Variants in KIF13B observed in about 807,000 individuals in gnomAD.
KIF13B encodes the protein kinesin family member 13B.
KIF13B carries 127 observed loss-of-function variants against 222.0 expected under a neutral mutation model. The ratio of observed to expected loss-of-function variants is 0.57; its 90% CI spans 0.50 to 0.66. The LOEUF (loss-of-function observed/expected upper bound fraction) is 0.66, where lower values mean the gene tolerates loss of function less well. Among genes scored for constraint, KIF13B ranks in the 30% least tolerant of loss-of-function variants. The pLI, the probability that KIF13B is intolerant of heterozygous loss-of-function variation, is 0.00. For missense variants in KIF13B, 2,173 were observed against 2,379.0 expected (o/e 0.91, Z 1.80); for synonymous variants, 976 against 919.0 (o/e 1.06, Z -1.12).
Position 29,142,118 on chromosome 8 carries a change from A to C in KIF13B, c.2334+39T>G, listed in dbSNP as rs766831537. The C allele has an allele frequency of 8.7e-5, 138 of 1,577,810 alleles. 1 individual carries two copies. Among genetic ancestry groups the C allele is most frequent in the African/African-American group, 2.7e-5 (2 of 74,122 alleles). ...GACTCATTCCAGCTTGGCTCCTTCC[A>C]TAATTACCAATTAAGTGATTTTCTC... On this transcript the variant is annotated intron_variant, in intron 19 of 39. Transcript: ENST00000524189.
chr8:29,185,700 T>C (rs1812894038), intron 6 of KIF13B, among the ~76,000 whole-genome samples: 1 of 152,244 alleles, frequency 6.6e-6, no homozygotes, highest in Middle Eastern at 3.2e-3. Context: ...AAACTTTCTG[T>C]AGGCCTCAGC....
intron 36 of KIF13B, among the ~76,000 whole-genome samples, chr8:29,094,141 G>A (rs1006336728): frequency 2.6e-5 from 4 of 151,928 alleles, no homozygotes; most frequent in Admixed American, 1.3e-4. Flanking sequence ...CCAACCTCCC[G>A]ACCACACATC....
At chr8:29,163,502 T>C (rs889991206) in intron 12 of KIF13B, among the ~76,000 whole-genome samples, 1 of 152,224 alleles carries the variant, frequency 6.6e-6, no homozygotes, top group Non-Finnish European at 1.5e-5. Context: ...TTGCCAAATT[T>C]ATCTGACCAT....
intron 35 of KIF13B, among the ~76,000 whole-genome samples, chr8:29,107,677 T>C (rs182888576): frequency 0.016 from 2,424 of 151,748 alleles, 39 homozygotes; most frequent in African/African-American, 0.047. Flanking sequence ...TCTCCTGCCT[T>C]AGCCTCCCGA....
chr8:29,070,708 C>T lies in KIF13B; in HGVS notation c.5277G>A (p.Gly1759=). ...KQYFRCNPGY[G]LLVRPSRVRR... ...GGACCCGGCTGGGCCTGACCAGCAG[C>T]CCGTAGCCAGGGTTACACCTGAAGT... Residue 1759 remains glycine, a synonymous_variant, in exon 40 of 40, where the codon GGG becomes GGA. Coordinates refer to ENST00000524189, the MANE Select transcript of KIF13B (RefSeq NM_015254.4). This position sits in a 1 kb window ranked among gnomAD's most constrained non-coding sequence, Gnocchi z 4.1. 2 of 1,561,886 alleles carry T rather than the reference C, an allele frequency of 1.3e-6. No individual in the cohort carries two copies. Among genetic ancestry groups the T allele is most frequent in the East Asian group, 2.4e-5 (1 of 41,652 alleles).
At chr8:29,110,716 C>T (rs1449132069) in intron 32 of KIF13B, 3 of 152,262 alleles carry the variant, frequency 2.0e-5, no homozygotes, top group Non-Finnish European at 4.4e-5. Context: ...CATCCCCAAT[C>T]CTGGGATGTG....
At chr8:29,255,784 T>C (rs890991218) in intron 1 of KIF13B, among the ~76,000 whole-genome samples, 9 of 152,312 alleles carry the variant, frequency 5.9e-5, no homozygotes, top group Non-Finnish European at 1.0e-4. Context: ...CCAAATCCAC[T>C]GAACACAATT....
intron 2 of KIF13B, among the ~76,000 whole-genome samples, chr8:29,212,490 T>G (rs1814274971): frequency 6.6e-6 from 1 of 152,146 alleles, no homozygotes. Flanking sequence ...GTGTTTAGAC[T>G]TTAAAGAAGA....
intron 35 of KIF13B, among the ~76,000 whole-genome samples, chr8:29,100,008 A>T (rs1302686854): frequency 6.6e-6 from 1 of 152,180 alleles, no homozygotes; most frequent in Non-Finnish European, 1.5e-5. Context: ...GTTTCCACTG[A>T]CTCACATATA....
intron 21 of KIF13B, among the ~76,000 whole-genome samples, chr8:29,135,565 A>G (rs967824994): frequency 7.2e-5 from 11 of 152,200 alleles, no homozygotes; most frequent in African/African-American, 2.2e-4. Flanking sequence ...AAATACAGTT[A>G]ATGAAAATAA....
intron 36 of KIF13B, among the ~76,000 whole-genome samples, 173 bp from the exon 37 acceptor site, chr8:29,093,051 T>C (rs114691702): frequency 0.012 from 1,891 of 152,228 alleles, 20 homozygotes; most frequent in African/African-American, 0.029. Flanking sequence ...CCCTCAAACA[T>C]AGTAATGTCT....
Position 29,186,548 on chromosome 8 carries a change from A to G in KIF13B, c.317-76T>C, listed in dbSNP as rs1359782307. 3 of 1,265,710 alleles carry G rather than the reference A, an allele frequency of 2.4e-6. No homozygotes were observed. The Admixed American group carries it at 7.7e-5, about 33-fold the overall frequency. The allele number at this position is 1,265,710 out of a possible 1,614,324, so 78.4% of individuals were successfully genotyped here. A position where few individuals can be genotyped will look rare whatever the true frequency, so the allele number is the denominator to read the frequency against. On this transcript the variant is annotated intron_variant, in intron 5 of 39. Coordinates refer to ENST00000524189, the MANE Select transcript of KIF13B (RefSeq NM_015254.4). Reference sequence around the variant, plus strand: ...CATAACCCTCTTTCCGTTGCTCATAATAAACACTTGGCAAAACGCCAAAAT... The same window carrying G: ...CATAACCCTCTTTCCGTTGCTCATAGTAAACACTTGGCAAAACGCCAAAAT...
In KIF13B at chr8:29,071,448, C is replaced by T. The variant is rs1229570211; in HGVS notation, c.5218+172G>A. On this transcript the variant is annotated intron_variant, in intron 39 of 39. Transcript: ENST00000524189. The surrounding 1 kb of genome is among the most constrained non-coding windows in gnomAD (Gnocchi z 4.9). ...TTCCATGTCGTCTCCAGGGACTAGC[C>T]CTGCCCCCAGCCTCACCCCTGCAGG... Among the ~76,000 whole-genome samples the T allele has an allele frequency of 6.6e-6, 1 of 152,126 alleles. No homozygotes were observed. Among genetic ancestry groups the T allele is most frequent in the Non-Finnish European group, 1.5e-5 (1 of 68,018 alleles).
At chr8:29,203,826 G>A (rs6994069) in intron 2 of KIF13B, among the ~76,000 whole-genome samples, 17,733 of 148,182 alleles carry the variant, frequency 0.12, 1,191 homozygotes, top group South Asian at 0.15. Context: ...GCCGGGAGGC[G>A]GAGGTTGTGG....
intron 21 of KIF13B, among the ~76,000 whole-genome samples, chr8:29,135,657 T>C (rs1157856121): frequency 6.6e-6 from 1 of 152,176 alleles, no homozygotes; most frequent in Non-Finnish European, 1.5e-5. Flanking sequence ...ATCCCAGCAC[T>C]TTGGGAGGCC....
upstream of KIF13B, chr8:29,263,096 G>T (rs1816751168): frequency 1.3e-6 from 2 of 1,514,042 alleles, no homozygotes; most frequent in Non-Finnish European, 1.8e-6. Context: ...GACTCTTCGG[G>T]GTTGACCCGG....
At chr8:29,147,822 A>G (rs1481253440) in intron 16 of KIF13B, among the ~76,000 whole-genome samples, 1 of 152,222 alleles carries the variant, frequency 6.6e-6, no homozygotes, top group Non-Finnish European at 1.5e-5. Flanking sequence ...AAGCAGGTCT[A>G]TTATATGTTC....
chr8:29,224,762 G>A (rs891969103), intron 2 of KIF13B, among the ~76,000 whole-genome samples: 1 of 151,980 alleles, frequency 6.6e-6, no homozygotes, highest in South Asian at 2.1e-4. Context: ...CCTGGAGTGT[G>A]TACGCGTAAT....
intron 37 of KIF13B, among the ~76,000 whole-genome samples, chr8:29,081,453 T>C (rs887701482): frequency 6.6e-6 from 1 of 152,236 alleles, no homozygotes; most frequent in African/African-American, 2.4e-5. Flanking sequence ...CCTCGGCATG[T>C]GGGTCTGCTT....
Sources: allele counts gnomAD v4.1 joint callset (sites outside exome capture counted in the v4.1 genomes callset), GRCh38; gene constraint gnomAD v4.1.1; non-coding constraint Gnocchi (gnomAD v3.1); transcripts MANE v1.5; gene names NCBI Gene and HGNC (gene_info 2026-07-23, HGNC 2026-07-21).